Variants in IL13RA1 observed in about 807,000 individuals in gnomAD.
IL13RA1 encodes interleukin 13 receptor subunit alpha 1.
Under a neutral mutation model 33.8 loss-of-function variants are expected in IL13RA1, and 14 were observed. The observed-to-expected ratio is 0.41, with a 90% CI of 0.27 to 0.65. The LOEUF (loss-of-function observed/expected upper bound fraction) is 0.65. IL13RA1 is among the 30% of genes least tolerant of loss of function. The pLI is 0.28. For synonymous variants in IL13RA1, 116 were observed against 115.7 expected (o/e 1.00, Z -0.02); for missense variants, 313 against 327.0 (o/e 0.96, Z 0.33).
At chrX:118,761,842 G>C (rs1021929931) in intron 6 of IL13RA1, among the ~76,000 whole-genome samples, 1 of 111,314 alleles carries the variant, frequency 9.0e-6, no homozygotes, top group African/African-American at 3.3e-5. Context: ...AGATCTGGGT[G>C]TAGGGGGTCA....
rs756115076 is a variant in IL13RA1 at position 118,791,750 on chromosome X, C to T, written c.1192-12C>T. The stretch of plus-strand genomic sequence containing the variant: ...TATGTCATTGTGTATGTGTTTTTTT[C>T]CTCCCTTCTAGCACTGGAAGAAGTA... On this transcript the variant is annotated splice_polypyrimidine_tract_variant and intron_variant, in intron 10 of 10. Transcript: ENST00000371666. 3.8e-6 allele frequency: 3 copies of T among 798,890 alleles called. No individual in the cohort carries two copies. Among genetic ancestry groups the T allele is most frequent in the East Asian group, 6.4e-5 (2 of 31,086 alleles). The allele number at this position is 798,890 out of a possible 1,213,427, so 65.8% of individuals were successfully genotyped here.
intron 10 of IL13RA1, among the ~76,000 whole-genome samples, chrX:118,778,535 C>T (rs1195769013): frequency 9.0e-6 from 1 of 111,426 alleles, no homozygotes; most frequent in East Asian, 2.8e-4. Context: ...ATTCCCTGAC[C>T]TGACCTGATT....
In IL13RA1 at chrX:118,727,610, C is replaced by T. The variant is rs1318828386; in HGVS notation, c.-29C>T. 2.3e-6 allele frequency: 2 copies of T among 874,410 alleles called. No individual in the cohort carries two copies. Among genetic ancestry groups the T allele is most frequent in the Non-Finnish European group, 2.9e-6 (2 of 698,403 alleles). The allele number at this position is 874,410 out of a possible 1,213,427, so 72.1% of individuals were successfully genotyped here. A position where few individuals can be genotyped will look rare whatever the true frequency, so the allele number is the denominator to read the frequency against. On this transcript the variant is annotated 5_prime_UTR_variant, in exon 1 of 11. Transcript: ENST00000371666. Reference sequence around the variant, plus strand: ...GAGGCGGGGACTGCCAAGGCTCCAGCCCGGCCGGGCTCCGAGGCGAGAGGC... The same window carrying T: ...GAGGCGGGGACTGCCAAGGCTCCAGTCCGGCCGGGCTCCGAGGCGAGAGGC...
chrX:118,734,069 C>T (rs949354759), intron 1 of IL13RA1, among the ~76,000 whole-genome samples: 1 of 111,456 alleles, frequency 9.0e-6, no homozygotes, highest in Non-Finnish European at 1.9e-5. Context: ...TTTGTTTTTC[C>T]GTTTCAAGAC....
intron 2 of IL13RA1, among the ~76,000 whole-genome samples, chrX:118,742,855 G>A (rs2017360368): frequency 9.0e-6 from 1 of 111,664 alleles, no homozygotes; most frequent in Non-Finnish European, 1.9e-5. Flanking sequence ...CTAGGTAATT[G>A]TTAGCTTTTA....
At chrX:118,781,322 G>A (rs2147398013) in intron 10 of IL13RA1, among the ~76,000 whole-genome samples, 1 of 109,940 alleles carries the variant, frequency 9.1e-6, no homozygotes, top group East Asian at 2.9e-4. Flanking sequence ...TCCAAATACT[G>A]CTGATTGTTA....
chrX:118,738,428 G>A (rs1011677127), intron 1 of IL13RA1, among the ~76,000 whole-genome samples: 1 of 111,278 alleles, frequency 9.0e-6, no homozygotes, highest in Non-Finnish European at 1.9e-5. Flanking sequence ...TTATGATCAT[G>A]TGTATTCAGT....
Position 118,746,960 on chromosome X carries a change from G to A in IL13RA1, c.235G>A (p.Ala79Thr). Residue 79 changes from alanine to threonine, a missense_variant, in exon 3 of 11, where the codon GCT (alanine) becomes ACT (threonine). Coordinates refer to ENST00000371666, the MANE Select transcript of IL13RA1 (RefSeq NM_001560.3). ...HFGDKQDKKI[A>T]PETRRSIEVP... ...TTCAATTTTCTAACCTTAGAAAATA[G>A]CTCCGGAAACTCGTCGTTCAATAGA... is the stretch of plus-strand genomic sequence containing the variant. The A allele has an allele frequency of 8.4e-7, 1 of 1,190,697 alleles. No homozygotes were observed. Among genetic ancestry groups the A allele is most frequent in the Non-Finnish European group, 1.1e-6 (1 of 878,819 alleles).
At chrX:118,764,950 A>G (rs1049326869) in intron 6 of IL13RA1, among the ~76,000 whole-genome samples, 10 of 112,033 alleles carry the variant, frequency 8.9e-5, no homozygotes, top group Non-Finnish European at 1.7e-4. Flanking sequence ...ATTTTTCACA[A>G]ATGATTTTTC....
At chrX:118,771,368 G>T (rs910418166) in intron 8 of IL13RA1, among the ~76,000 whole-genome samples, 5 of 112,581 alleles carry the variant, frequency 4.4e-5, no homozygotes, top group Non-Finnish European at 9.4e-5. Flanking sequence ...GCATGGAGGG[G>T]TGTGGGAGAA....
chrX:118,728,245 C>G (rs190128633), intron 1 of IL13RA1, among the ~76,000 whole-genome samples: 81 of 112,311 alleles, frequency 7.2e-4, no homozygotes, highest in African/African-American at 2.5e-3. Context: ...GTGGCTCTTG[C>G]GAGTGGAAGT....
intron 1 of IL13RA1, among the ~76,000 whole-genome samples, chrX:118,739,202 G>A (rs1169887134): frequency 8.9e-6 from 1 of 112,202 alleles, no homozygotes; most frequent in African/African-American, 3.2e-5. Flanking sequence ...ATCAACATCT[G>A]TTTTCTGACT....
chrX:118,764,988 C>G (rs1470626019), intron 6 of IL13RA1, among the ~76,000 whole-genome samples: 2 of 112,171 alleles, frequency 1.8e-5, no homozygotes, highest in Non-Finnish European at 3.8e-5. Context: ...CACAGAAGCC[C>G]CCTTCAGTTG....
the IL13RA1 span, among the ~76,000 whole-genome samples, chrX:118,800,816 C>CAA: frequency 0.027 from 3,025 of 111,423 alleles, 104 homozygotes; most frequent in African/African-American, 0.093. Flanking sequence ...GACAGGGTCT[C>CAA]ACTTTTATCA....
At chrX:118,729,084 CTAGTT>C (rs1352914730) in intron 1 of IL13RA1, among the ~76,000 whole-genome samples, 16 of 111,303 alleles carry the variant, frequency 1.4e-4, no homozygotes, top group African/African-American at 4.9e-4. Flanking sequence ...AAAAGGGCCT[CTAGTT>C]TAGTTGGGTA....
intron 6 of IL13RA1, among the ~76,000 whole-genome samples, chrX:118,763,009 A>G (rs763800758): frequency 9.0e-6 from 1 of 111,517 alleles, no homozygotes; most frequent in African/African-American, 3.3e-5. Context: ...TGAACAACAC[A>G]TACTGGGGCC....
Position 118,727,616 on chromosome X carries a change from C to T in IL13RA1, c.-23C>T. On this transcript the variant is annotated 5_prime_UTR_variant, in exon 1 of 11. Transcript: ENST00000371666. ...GGGACTGCCAAGGCTCCAGCCCGGC[C>T]GGGCTCCGAGGCGAGAGGCTGCATG... 1 of 886,694 alleles carries T rather than the reference C, an allele frequency of 1.1e-6. No homozygotes were observed. The highest frequency in any genetic ancestry group is 1.4e-6 in the Non-Finnish European group (1 of 711,450). The allele number at this position is 886,694 out of a possible 1,213,427, so 73.1% of individuals were successfully genotyped here. A position where few individuals can be genotyped will look rare whatever the true frequency, so the allele number is the denominator to read the frequency against.
intron 3 of IL13RA1, among the ~76,000 whole-genome samples, chrX:118,747,884 C>T (rs959785607): frequency 9.1e-6 from 1 of 109,350 alleles, no homozygotes; most frequent in African/African-American, 3.3e-5. Flanking sequence ...CCCTCTGCAC[C>T]TTAGTTTCCT....
chrX:118,788,473 C>T (rs373817809), intron 10 of IL13RA1, among the ~76,000 whole-genome samples: 8 of 111,809 alleles, frequency 7.2e-5, no homozygotes, highest in East Asian at 5.6e-4. Flanking sequence ...CATACAGTTT[C>T]GTTGGCCAGG....
Sources: gnomAD v4.1 joint callset for allele counts (sites outside exome capture counted in the v4.1 genomes callset) on GRCh38, gnomAD v4.1.1 for gene constraint, MANE v1.5 for transcripts, NCBI Gene and HGNC (gene_info 2026-07-23, HGNC 2026-07-21) for gene names.